Variants in EGFR observed in about 807,000 individuals in gnomAD.
EGFR encodes the protein avian erythroblastic leukemia viral (v-erb-b) oncogene homolog.
EGFR carries 58 observed loss-of-function variants against 143.0 expected under a neutral mutation model. That is an observed-to-expected ratio of 0.41 (90% CI 0.33 to 0.50). EGFR has a LOEUF of 0.50. Among genes scored for constraint, EGFR ranks in the 20% least tolerant of loss-of-function variants. The pLI, the probability that EGFR is intolerant of heterozygous loss-of-function variation, is 0.39. For missense variants in EGFR, 1,307 were observed against 1,579.0 expected (o/e 0.83, Z 2.92); for synonymous variants, 613 against 594.4 (o/e 1.03, Z -0.45).
intron 1 of EGFR, among the ~76,000 whole-genome samples, chr7:55,073,574 A>T (rs1036891805): frequency 6.6e-6 from 1 of 152,218 alleles, no homozygotes; most frequent in Non-Finnish European, 1.5e-5. Context: ...TTTTTTATAA[A>T]GTTCAAGTGT....
rs140151489 is a variant in EGFR, at chr7:55,058,840, T to A, written c.88+39475T>A. Among the ~76,000 whole-genome samples, 711 of 152,242 alleles carry A rather than the reference T, an allele frequency of 4.7e-3. 17 individuals carry two copies. The highest frequency in any genetic ancestry group is 0.04 in the Admixed American group (612 of 15,296). On this transcript the variant is annotated intron_variant, in intron 1 of 27. Coordinates refer to ENST00000275493, the MANE Select transcript of EGFR (RefSeq NM_005228.5). ...ACATGTACCCCTGAACTTAAAAAAA[T>A]TTTTAAAAAGATGCTATGCAATAAA... is the stretch of plus-strand genomic sequence containing the variant.
At chr7:55,193,650 A>G (rs1281574782) in intron 22 of EGFR, among the ~76,000 whole-genome samples, 1 of 152,230 alleles carries the variant, frequency 6.6e-6, no homozygotes, top group Non-Finnish European at 1.5e-5. Flanking sequence ...GAGGAAAATA[A>G]GTTACCCCAG....
chr7:55,171,756 T>C (rs1207406227), intron 16 of EGFR, among the ~76,000 whole-genome samples: 2 of 152,222 alleles, frequency 1.3e-5, no homozygotes, highest in African/African-American at 2.4e-5. Context: ...AAAGTCTTAT[T>C]CAAACTCACC....
intron 1 of EGFR, among the ~76,000 whole-genome samples, chr7:55,053,116 GTC>G (rs1299051967): frequency 6.6e-6 from 1 of 152,300 alleles, no homozygotes; most frequent in East Asian, 1.9e-4. Context: ...GGAGAGATTT[GTC>G]TTTCTCAGGT....
At chr7:55,150,467 T>C (rs1785096561) in intron 4 of EGFR, among the ~76,000 whole-genome samples, 2 of 152,180 alleles carry the variant, frequency 1.3e-5, no homozygotes, top group South Asian at 4.1e-4. Context: ...TCGTCAGCTT[T>C]TCTGTTTGAA....
chr7:55,068,141 TA>T (rs1789624556), intron 1 of EGFR, among the ~76,000 whole-genome samples: 1 of 152,090 alleles, frequency 6.6e-6, no homozygotes, highest in South Asian at 2.1e-4. Flanking sequence ...GTGGGGACAC[TA>T]AAAATCTCTC....
chr7:55,169,062 C>T (rs1786212693), intron 15 of EGFR, among the ~76,000 whole-genome samples: 1 of 152,052 alleles, frequency 6.6e-6, no homozygotes, highest in Non-Finnish European at 1.5e-5. Context: ...CAGGTGCAGC[C>T]ACCCAGACGA....
At chr7:55,148,943 T>G (rs1374358680) in intron 4 of EGFR, among the ~76,000 whole-genome samples, 1 of 152,366 alleles carries the variant, frequency 6.6e-6, no homozygotes, top group African/African-American at 2.4e-5. Flanking sequence ...TGTGCCTAGC[T>G]TTTATGTTTA....
chr7:55,143,694 G>C (rs933644045), intron 3 of EGFR, among the ~76,000 whole-genome samples: 2 of 152,164 alleles, frequency 1.3e-5, no homozygotes, highest in Admixed American at 6.5e-5. Context: ...GATTTAAGCG[G>C]GGTACCAGTG....
chr7:55,132,700 ACAC>A (rs1236360057), intron 1 of EGFR, among the ~76,000 whole-genome samples: 1 of 152,198 alleles, frequency 6.6e-6, no homozygotes, highest in Non-Finnish European at 1.5e-5. Context: ...GCACACCTCT[ACAC>A]TGCATGGCTC....
At chr7:55,179,499 G>GT (rs2128957110) in intron 19 of EGFR, among the ~76,000 whole-genome samples, 2 of 152,322 alleles carry the variant, frequency 1.3e-5, no homozygotes, top group South Asian at 4.2e-4. Context: ...GGGGACAGAG[G>GT]TTCTCCCGTG....
At chr7:55,085,208 G>A (rs1457445567) in intron 1 of EGFR, among the ~76,000 whole-genome samples, 1 of 152,202 alleles carries the variant, frequency 6.6e-6, no homozygotes, top group African/African-American at 2.4e-5. Flanking sequence ...TATTTGCATT[G>A]TTTTCCAACT....
intron 1 of EGFR, among the ~76,000 whole-genome samples, chr7:55,051,894 C>A (rs774868438): frequency 3.5e-4 from 54 of 152,204 alleles, no homozygotes; most frequent in Non-Finnish European, 6.2e-4. Flanking sequence ...CCCCACAAAT[C>A]TTTAGTTGTA....
chr7:55,042,840 C>G (rs1201074484), intron 1 of EGFR, among the ~76,000 whole-genome samples: 1 of 152,136 alleles, frequency 6.6e-6, no homozygotes, highest in Non-Finnish European at 1.5e-5. Flanking sequence ...CAGTTTACCT[C>G]TGGAAATGGA....
At chr7:55,195,084 C>T (rs1294521111) in intron 22 of EGFR, among the ~76,000 whole-genome samples, 1 of 152,200 alleles carries the variant, frequency 6.6e-6, no homozygotes, top group Non-Finnish European at 1.5e-5. Flanking sequence ...AATCTAATAA[C>T]CTGTCTTCCC....
intron 22 of EGFR, among the ~76,000 whole-genome samples, chr7:55,197,623 C>T (rs1787671535): frequency 6.6e-6 from 1 of 152,190 alleles, no homozygotes; most frequent in Admixed American, 6.5e-5. Context: ...TTTGCCCATT[C>T]AATATGATGT....
intron 1 of EGFR, among the ~76,000 whole-genome samples, chr7:55,083,627 A>G (rs1222702761): frequency 6.6e-6 from 1 of 152,228 alleles, no homozygotes; most frequent in Non-Finnish European, 1.5e-5. Flanking sequence ...GTTTTAAATT[A>G]TTTTCAGGCC....
chr7:55,191,010 G>C (rs1487940902), intron 20 of EGFR, among the ~76,000 whole-genome samples: 1 of 152,182 alleles, frequency 6.6e-6, no homozygotes, highest in East Asian at 1.9e-4. Flanking sequence ...GTCAGGATCA[G>C]CCAGGGTCAG....
chr7:55,075,444 G>A (rs1790081597), intron 1 of EGFR, among the ~76,000 whole-genome samples: 1 of 152,188 alleles, frequency 6.6e-6, no homozygotes, highest in African/African-American at 2.4e-5. Flanking sequence ...ATTCACTGGG[G>A]AATGGACTTA....
Sources: allele counts gnomAD v4.1 joint callset (sites outside exome capture counted in the v4.1 genomes callset), GRCh38; gene constraint gnomAD v4.1.1; transcripts MANE v1.5; gene names NCBI Gene and HGNC (gene_info 2026-07-23, HGNC 2026-07-21).